The following ATG7 variants were observed in gnomAD, a reference collection of about 807,000 sequenced individuals.
ATG7 encodes ubiquitin-like modifier-activating enzyme ATG7.
ATG7 carries 70 observed loss-of-function variants against 82.4 expected under a neutral mutation model. The ratio of observed to expected loss-of-function variants is 0.85; its 90% CI spans 0.70 to 1.04. The LOEUF is 1.04. ATG7 is among the 50% of genes least tolerant of loss of function. The probability of loss-of-function intolerance (pLI) is 0.00; values close to 1 mark genes in which losing one functional copy is unlikely to be tolerated. For synonymous variants in ATG7, 287 were observed against 313.0 expected (o/e 0.92, Z 0.88); for missense variants, 792 against 864.3 (o/e 0.92, Z 1.05).
intron 19 of ATG7, among the ~76,000 whole-genome samples, chr3:11,399,957 TGTATAGA>T (rs1376297054): frequency 6.6e-6 from 1 of 152,220 alleles, no homozygotes; most frequent in Non-Finnish European, 1.5e-5. Flanking sequence ...CTCTACACTA[TGTATAGA>T]GTATAATGTA....
the ATG7 span, chr3:11,564,695 T>TCCCTCACCACCTCCCA: frequency 7.8e-7 from 1 of 1,288,030 alleles, no homozygotes; most frequent in Non-Finnish European, 1.1e-6. Flanking sequence ...ACCACCTCCC[T>TCCCTCACCACCTCCCA]CCCTCACCAC....
chr3:11,303,610 G>A (rs1254730444), intron 5 of ATG7, among the ~76,000 whole-genome samples: 1 of 151,654 alleles, frequency 6.6e-6, no homozygotes, highest in Non-Finnish European at 1.5e-5. Flanking sequence ...GGAGCTTGCA[G>A]TGAGCCGAGA....
chr3:11,427,707 C>T (rs895761257), intron 20 of ATG7, among the ~76,000 whole-genome samples: 19 of 150,574 alleles, frequency 1.3e-4, no homozygotes, highest in Non-Finnish European at 1.9e-4. Context: ...CCCAGCCACT[C>T]GGGAGGCTGA....
intron 7 of ATG7, among the ~76,000 whole-genome samples, chr3:11,312,935 T>G (rs1948887244): frequency 6.6e-6 from 1 of 152,202 alleles, no homozygotes; most frequent in Admixed American, 6.5e-5. Context: ...TTTACCCCTT[T>G]GTAAGATTCA....
At chr3:11,313,441 T>C (rs1164039369) in intron 8 of ATG7, 21 bp downstream of exon 8, 1 of 1,553,174 alleles carries the variant, frequency 6.4e-7, no homozygotes, top group Non-Finnish European at 8.8e-7. Flanking sequence ...ATAACCAAAA[T>C]GCACATAAAA....
At chr3:11,406,664 G>GCTCCACA (rs1429185164) in intron 19 of ATG7, among the ~76,000 whole-genome samples, 4 of 152,172 alleles carry the variant, frequency 2.6e-5, no homozygotes, top group Admixed American at 6.5e-5. Flanking sequence ...CACATGGCTG[G>GCTCCACA]GGAGGCCTCA....
intron 20 of ATG7, among the ~76,000 whole-genome samples, chr3:11,549,228 T>C (rs2071558181): frequency 6.6e-6 from 1 of 152,234 alleles, no homozygotes; most frequent in Non-Finnish European, 1.5e-5. Context: ...AAGTATGATG[T>C]CTTCTGTGTT....
chr3:11,279,455 G>A (rs529973154), intron 1 of ATG7, among the ~76,000 whole-genome samples: 2 of 152,218 alleles, frequency 1.3e-5, no homozygotes, highest in Non-Finnish European at 2.9e-5. Flanking sequence ...GGAGGCCGAG[G>A]CGGGTGGATC....
intron 19 of ATG7, among the ~76,000 whole-genome samples, chr3:11,404,118 C>T (rs1305764405): frequency 6.9e-6 from 1 of 144,540 alleles, no homozygotes; most frequent in African/African-American, 2.6e-5. Flanking sequence ...GCTTATTAAC[C>T]AGCTCAATTT....
chr3:11,472,554 A>C (rs1341713951), intron 20 of ATG7, among the ~76,000 whole-genome samples: 1 of 152,164 alleles, frequency 6.6e-6, no homozygotes, highest in Non-Finnish European at 1.5e-5. Flanking sequence ...ATTGGTGAAA[A>C]ATTAGAAAAC....
rs992278119 is a variant in ATG7 at position 11,289,195 on chromosome 3, T to C, written c.-11+6757T>C. ...GCAGAGGCCGAAGTTTCACTTGCAC[T>C]GTCCAGGGTTATACAGGCAAGCCTT... On this transcript the variant is annotated intron_variant, in intron 3 of 20. Transcript: ENST00000693202. Among the ~76,000 whole-genome samples, 10 of 152,276 alleles carry C rather than the reference T, an allele frequency of 6.6e-5. No individual in the cohort carries two copies. In the East Asian group the frequency reaches 1.9e-3, roughly 29 times the overall value.
chr3:11,426,947 C>A (rs1559599249), intron 20 of ATG7, 21 bp downstream of exon 20: 1 of 1,571,176 alleles, frequency 6.4e-7, no homozygotes, highest in Non-Finnish European at 8.6e-7. Context: ...AACAAGCTTT[C>A]TGTAGTGAAG....
intron 19 of ATG7, among the ~76,000 whole-genome samples, chr3:11,401,433 G>GT (rs1443307852): frequency 3.9e-5 from 6 of 152,152 alleles, no homozygotes; most frequent in African/African-American, 1.4e-4. Context: ...ATAGAAAGTT[G>GT]TATCTTCTAA....
chr3:11,391,509 G>A (rs941437947), intron 19 of ATG7, among the ~76,000 whole-genome samples: 1 of 152,254 alleles, frequency 6.6e-6, no homozygotes, highest in South Asian at 2.1e-4. Context: ...GCTGTTAGAG[G>A]CAGGGACAGA....
At chr3:11,431,828 C>T (rs898551396) in intron 20 of ATG7, among the ~76,000 whole-genome samples, 1 of 152,118 alleles carries the variant, frequency 6.6e-6, no homozygotes, top group African/African-American at 2.4e-5. Context: ...AAAGCTGATC[C>T]AACTAGAGAC....
intron 20 of ATG7, among the ~76,000 whole-genome samples, chr3:11,454,231 A>T (rs1273037666): frequency 6.6e-6 from 1 of 152,122 alleles, no homozygotes. Context: ...TCTCACTCTC[A>T]TCCCATGTTT....
At chr3:11,384,995 A>G (rs1168847337) in intron 19 of ATG7, among the ~76,000 whole-genome samples, 5 of 152,208 alleles carry the variant, frequency 3.3e-5, no homozygotes, top group Admixed American at 3.3e-4. Context: ...CAAAAAGTCA[A>G]CTTAGCTGCT....
Position 11,484,424 on chromosome 3 carries a change from C to G in ATG7, c.2079+57498C>G, listed in dbSNP as rs575049860. Among the ~76,000 whole-genome samples, 14 of 152,236 alleles carry G rather than the reference C, an allele frequency of 9.2e-5. No individual in the cohort carries two copies. In the East Asian group the frequency reaches 2.7e-3, roughly 29 times the overall value. On this transcript the variant is annotated intron_variant, in intron 20 of 20. Transcript: ENST00000693202. ...AAAAAACAAACAAACAAAAAAACCA[C>G]AAAAACGACAAACCCAAAAGGGTTA... is the stretch of plus-strand genomic sequence containing the variant.
At chr3:11,365,531 G>A (rs1410854458) in intron 18 of ATG7, among the ~76,000 whole-genome samples, 1 of 152,080 alleles carries the variant, frequency 6.6e-6, no homozygotes, top group Admixed American at 6.6e-5. Flanking sequence ...TAGATTCCAT[G>A]TATGTATCCT....
Sources: allele counts gnomAD v4.1 joint callset (sites outside exome capture counted in the v4.1 genomes callset), GRCh38; gene constraint gnomAD v4.1.1; transcripts MANE v1.5; gene names NCBI Gene and HGNC (gene_info 2026-07-23, HGNC 2026-07-21).